Variants in ZMIZ1 observed in about 807,000 individuals in gnomAD.
ZMIZ1 encodes the protein zinc finger MIZ-type containing 1.
Under a neutral mutation model 113.9 loss-of-function variants are expected in ZMIZ1, and 17 were observed. That is an observed-to-expected ratio of 0.15 (90% CI 0.10 to 0.22). The LOEUF is 0.22. ZMIZ1 is among the 10% of genes least tolerant of loss of function. The pLI, the probability that ZMIZ1 is intolerant of heterozygous loss-of-function variation, is 1.00. For missense variants in ZMIZ1, 1,059 were observed against 1,477.8 expected (o/e 0.72, Z 4.65); for synonymous variants, 607 against 603.1 (o/e 1.01, Z -0.09).
At chr10:79,172,421 A>T (rs980947826) in intron 4 of ZMIZ1, among the ~76,000 whole-genome samples, 1 of 152,164 alleles carries the variant, frequency 6.6e-6, no homozygotes, top group Admixed American at 6.5e-5. Flanking sequence ...AAGCCCTTAG[A>T]TGGTCATGGT....
rs746864674 is a variant in ZMIZ1, at chr10:79,307,436, C to T, written c.2700C>T (p.Asp900=). The change falls in exon 23 of 25, where the codon GAC becomes GAT. Residue 900 remains aspartate, a synonymous_variant. Transcript: ENST00000334512. ...ACTACCAAGGCCATGGCAACTTTGA[C>T]TTCCCCCACGGGAACCCTGGAGGGA... ...GNNYQGHGNF[D]FPHGNPGGTS... The T allele has an allele frequency of 3.7e-6, 6 of 1,613,082 alleles. No individual in the cohort carries two copies. The highest frequency in any genetic ancestry group is 3.4e-6 in the Non-Finnish European group (4 of 1,179,548).
intron 1 of ZMIZ1, among the ~76,000 whole-genome samples, chr10:79,092,082 C>A (rs1293422571): frequency 2.6e-5 from 4 of 152,124 alleles, no homozygotes; most frequent in African/African-American, 9.7e-5. Context: ...GAGGAGGTGG[C>A]AGCAGCAGCT....
chr10:79,232,960 C>T (rs573551097), intron 7 of ZMIZ1, among the ~76,000 whole-genome samples: 27 of 152,334 alleles, frequency 1.8e-4, no homozygotes, highest in African/African-American at 5.8e-4. Context: ...GTACTGGTTC[C>T]ATGAATGCCT....
chr10:79,302,277 A>G, intron 18 of ZMIZ1, 65 bp downstream of exon 18: 1 of 1,503,170 alleles, frequency 6.7e-7, no homozygotes, highest in Non-Finnish European at 9.2e-7. Flanking sequence ...GGGACTGAGA[A>G]GCAGTCACCA....
chr10:79,220,499 A>C (rs978917050), intron 7 of ZMIZ1, among the ~76,000 whole-genome samples: 4 of 152,120 alleles, frequency 2.6e-5, no homozygotes, highest in Non-Finnish European at 5.9e-5. Flanking sequence ...AGGCCTCTGC[A>C]GTTCCAGAGC....
At chr10:79,103,328 C>T (rs769916892) in intron 1 of ZMIZ1, among the ~76,000 whole-genome samples, 16 of 152,054 alleles carry the variant, frequency 1.1e-4, no homozygotes, top group African/African-American at 1.7e-4. Context: ...AAAAGCTTTA[C>T]AGCTGTAAGG....
intron 8 of ZMIZ1, 50 bp downstream of exon 8, chr10:79,277,375 G>A: frequency 8.6e-6 from 13 of 1,515,528 alleles, no homozygotes; most frequent in Non-Finnish European, 1.1e-5. Flanking sequence ...CACCCCTCTG[G>A]TCTCAGATCT....
At position 79,088,076 on chromosome 10, in the gene ZMIZ1, G is replaced by T. The variant is rs114039566; in HGVS notation, c.-337+18806G>T. ...TCCCAGAGCTGGTCGGCTTTGTGAT[G>T]TGGACCATGTGCATGGTCTGACCCC... On this transcript the variant is annotated intron_variant, in intron 1 of 24. Coordinates refer to ENST00000334512, the MANE Select transcript of ZMIZ1 (RefSeq NM_020338.4). Among the ~76,000 whole-genome samples, 726 of 152,348 alleles carry T rather than the reference G, an allele frequency of 4.8e-3. 7 individuals carry two copies. The highest frequency in any genetic ancestry group is 0.017 in the African/African-American group (688 of 41,584).
At chr10:79,288,115 C>T (rs1379301789) in intron 8 of ZMIZ1, among the ~76,000 whole-genome samples, 2 of 152,208 alleles carry the variant, frequency 1.3e-5, no homozygotes, top group African/African-American at 4.8e-5. Context: ...TATGAGCAGA[C>T]AGTGGTGTGG....
intron 22 of ZMIZ1, 72 bp downstream of exon 22, chr10:79,306,416 T>C: frequency 1.3e-6 from 2 of 1,569,566 alleles, no homozygotes; most frequent in Admixed American, 3.5e-5. Context: ...ACAGAATTTC[T>C]GTGCTGATGG....
chr10:79,211,202 G>A (rs1468010290), intron 6 of ZMIZ1, among the ~76,000 whole-genome samples: 1 of 152,104 alleles, frequency 6.6e-6, no homozygotes, highest in Non-Finnish European at 1.5e-5. Flanking sequence ...ACCCTTTGAG[G>A]TGGGCAGGGA....
At chr10:79,181,661 G>A (rs900816462) in intron 4 of ZMIZ1, among the ~76,000 whole-genome samples, 1 of 152,162 alleles carries the variant, frequency 6.6e-6, no homozygotes, top group African/African-American at 2.4e-5. Context: ...GGCTGTCCAG[G>A]TCACACCCCT....
At chr10:79,124,377 G>T (rs1844425916) in intron 2 of ZMIZ1, among the ~76,000 whole-genome samples, 1 of 152,204 alleles carries the variant, frequency 6.6e-6, no homozygotes, top group Non-Finnish European at 1.5e-5. Context: ...CTTAGCCAAG[G>T]TCACACAGGT....
intron 5 of ZMIZ1, among the ~76,000 whole-genome samples, chr10:79,207,806 C>T (rs970282990): frequency 6.6e-6 from 1 of 152,094 alleles, no homozygotes; most frequent in African/African-American, 2.4e-5. Context: ...GAGCAGGCTC[C>T]AAAGCCAGAG....
intron 8 of ZMIZ1, among the ~76,000 whole-genome samples, chr10:79,279,835 G>A (rs1295205967): frequency 4.6e-5 from 7 of 152,190 alleles, no homozygotes; most frequent in African/African-American, 1.4e-4. Context: ...GGTGGCACGC[G>A]CCTGCAATCC....
chr10:79,077,819 CA>C (rs1354264917), intron 1 of ZMIZ1, among the ~76,000 whole-genome samples: 1 of 152,232 alleles, frequency 6.6e-6, no homozygotes, highest in Non-Finnish European at 1.5e-5. Flanking sequence ...ATGGAGTGCG[CA>C]AACTTCCTGG....
At chr10:79,134,947 T>C (rs1460808280) in intron 2 of ZMIZ1, among the ~76,000 whole-genome samples, 1 of 151,998 alleles carries the variant, frequency 6.6e-6, no homozygotes, top group Non-Finnish European at 1.5e-5. Context: ...GCCTCCCGAG[T>C]AGCTGGGATT....
chr10:79,151,454 C>A (rs1002984532), intron 3 of ZMIZ1, among the ~76,000 whole-genome samples: 3 of 152,174 alleles, frequency 2.0e-5, no homozygotes, highest in Admixed American at 6.5e-5. Flanking sequence ...GTAGTGAGTT[C>A]ATGGGGAGAG....
chr10:79,206,192 G>C lies in ZMIZ1; in HGVS notation c.61-2144G>C, dbSNP rs949983676. Among the ~76,000 whole-genome samples the C allele has an allele frequency of 4.6e-5, 7 of 152,136 alleles. No homozygotes were observed. In the South Asian group the frequency reaches 6.2e-4, roughly 14 times the overall value. On this transcript the variant is annotated intron_variant, in intron 5 of 24. Transcript: ENST00000334512. Reference sequence around the variant, plus strand: ...CCACAGCCTACAGGCCACACAAGCTGTCTGGGGTGAGCTCTGAACGCTGGT... The same window carrying C: ...CCACAGCCTACAGGCCACACAAGCTCTCTGGGGTGAGCTCTGAACGCTGGT...
Sources: allele counts gnomAD v4.1 joint callset (sites outside exome capture counted in the v4.1 genomes callset), GRCh38; gene constraint gnomAD v4.1.1; transcripts MANE v1.5; gene names NCBI Gene and HGNC (gene_info 2026-07-23, HGNC 2026-07-21).